MAGI2: variants seen among roughly 807,000 people sequenced by gnomAD.
MAGI2 encodes the protein membrane-associated guanylate kinase, WW and PDZ domain-containing protein 2.
Under a neutral mutation model 133.3 loss-of-function variants are expected in MAGI2, and 35 were observed. The observed-to-expected ratio is 0.26, with a 90% CI of 0.20 to 0.35. The LOEUF is 0.35. MAGI2 is among the 10% of genes least tolerant of loss of function. The probability of loss-of-function intolerance (pLI) is 1.00; values close to 1 mark genes in which losing one functional copy is unlikely to be tolerated. For missense variants in MAGI2, 1,636 were observed against 1,863.4 expected, an observed-to-expected ratio of 0.88 and a Z score of 2.25; for synonymous variants, 729 against 710.6, an observed-to-expected ratio of 1.03 and a Z score of -0.41.
At chr7:79,127,767 G>GTAGT (rs1021666223) in intron 1 of MAGI2, among the ~76,000 whole-genome samples, 1 of 152,088 alleles carries the variant, frequency 6.6e-6, no homozygotes, top group African/African-American at 2.4e-5. Flanking sequence ...CACTTTGATG[G>GTAGT]TAGTTTCTTT....
intron 2 of MAGI2, among the ~76,000 whole-genome samples, chr7:78,827,664 A>G (rs985264239): frequency 5.3e-5 from 8 of 152,202 alleles, no homozygotes; most frequent in African/African-American, 1.9e-4. Context: ...AGGAAGTGCT[A>G]AACATATAAA....
At position 78,945,967 on chromosome 7, in the gene MAGI2, T is replaced by A. The variant is rs1801386440; in HGVS notation, c.418+61123A>T. Among the ~76,000 whole-genome samples the A allele has an allele frequency of 3.3e-5, 5 of 152,316 alleles. No individual in the cohort carries two copies. In the South Asian group the frequency reaches 1.0e-3, roughly 32 times the overall value. On this transcript the variant is annotated intron_variant, in intron 2 of 21. Coordinates refer to ENST00000354212, the MANE Select transcript of MAGI2 (RefSeq NM_012301.4). ...AGCATTTATAATGTTATCAGAACAA[T>A]CCTTCTGAGCAGGAGTTTATTGTTA...
At chr7:78,201,573 C>T (rs117907831) in intron 10 of MAGI2, among the ~76,000 whole-genome samples, 1 of 152,120 alleles carries the variant, frequency 6.6e-6, no homozygotes, top group Non-Finnish European at 1.5e-5. Context: ...AGGTAAATAT[C>T]TTTGCTTGGT....
In MAGI2 at chr7:78,973,683, C is replaced by T. The variant is rs764062984; in HGVS notation, c.418+33407G>A. ...TTTCCTTTTCCCCTGCAAATGAGGC[C>T]TGCGGAGAAAAGCACCAGAAATAAT... On this transcript the variant is annotated intron_variant, in intron 2 of 21. Transcript: ENST00000354212. Among the ~76,000 whole-genome samples, 3 of 151,732 alleles carry T rather than the reference C, an allele frequency of 2.0e-5. No individual in the cohort carries two copies. The East Asian group carries it at 5.9e-4, about 30-fold the overall frequency.
chr7:78,781,697 AATT>A (rs1826413672), intron 2 of MAGI2, among the ~76,000 whole-genome samples: 1 of 152,160 alleles, frequency 6.6e-6, no homozygotes, highest in African/African-American at 2.4e-5. Flanking sequence ...CATAGTAAAA[AATT>A]ATATTAGAAA....
chr7:79,151,352 C>T (rs2129546996), intron 1 of MAGI2, among the ~76,000 whole-genome samples: 1 of 152,234 alleles, frequency 6.6e-6, no homozygotes, highest in African/African-American at 2.4e-5. Context: ...TTTGGCATAT[C>T]TAACGATGGA....
At chr7:78,941,759 C>G (rs1009805549) in intron 2 of MAGI2, among the ~76,000 whole-genome samples, 1 of 151,782 alleles carries the variant, frequency 6.6e-6, no homozygotes, top group Non-Finnish European at 1.5e-5. Context: ...CACACACACA[C>G]ACACACACAC....
At chr7:79,094,228 T>A (rs951117526) in intron 1 of MAGI2, among the ~76,000 whole-genome samples, 1 of 152,230 alleles carries the variant, frequency 6.6e-6, no homozygotes, top group African/African-American at 2.4e-5. Context: ...TCACAGCATC[T>A]TCAGCAGTAG....
intron 9 of MAGI2, among the ~76,000 whole-genome samples, chr7:78,269,149 T>C (rs1584642056): frequency 6.6e-6 from 1 of 152,190 alleles, no homozygotes; most frequent in Non-Finnish European, 1.5e-5. Context: ...TATTCTATGG[T>C]GTATATATGC....
intron 2 of MAGI2, among the ~76,000 whole-genome samples, chr7:78,638,619 A>C (rs1289142049): frequency 6.6e-6 from 1 of 152,186 alleles, no homozygotes; most frequent in Non-Finnish European, 1.5e-5. Context: ...TACAATATAC[A>C]GGTATAACAT....
intron 1 of MAGI2, among the ~76,000 whole-genome samples, chr7:79,426,014 A>G (rs1167914991): frequency 6.6e-6 from 1 of 152,214 alleles, no homozygotes; most frequent in Non-Finnish European, 1.5e-5. Context: ...TGCGTTGAAC[A>G]GAATCTAATC....
rs771918590 is a variant in MAGI2, at chr7:78,882,086, C to CA, written c.418+125003dup. Among the ~76,000 whole-genome samples, 66 of 12,456 alleles carry CA rather than the reference C, an allele frequency of 5.3e-3. 4 individuals carry two copies. Among genetic ancestry groups the CA allele is most frequent in the African/African-American group, 0.019 (58 of 2,996 alleles). The allele number at this position is 12,456 out of a possible 152,430, so 8.2% of individuals were successfully genotyped here. A position where few individuals can be genotyped will look rare whatever the true frequency, so the allele number is the denominator to read the frequency against. ...GCTAGATTAACAACAACAACAACAACAAAAAAAAAAAAAAAAAAAAAAGAA... is the reference window on the plus strand; with the variant it reads ...GCTAGATTAACAACAACAACAACAACAAAAAAAAAAAAAAAAAAAAAAAGAA... On this transcript the variant is annotated intron_variant, in intron 2 of 21. Transcript: ENST00000354212.
At chr7:78,995,361 G>A (rs1016157988) in intron 2 of MAGI2, among the ~76,000 whole-genome samples, 1 of 152,026 alleles carries the variant, frequency 6.6e-6, no homozygotes, top group Non-Finnish European at 1.5e-5. Flanking sequence ...TTTAATTACT[G>A]AAATAATATA....
chr7:78,467,382 A>C (rs1042859282), intron 6 of MAGI2, among the ~76,000 whole-genome samples: 1 of 152,158 alleles, frequency 6.6e-6, no homozygotes, highest in African/African-American at 2.4e-5. Flanking sequence ...TTCACTGATC[A>C]GAACTAATTG....
chr7:78,408,894 T>C (rs1056472774), intron 6 of MAGI2, among the ~76,000 whole-genome samples: 1 of 152,122 alleles, frequency 6.6e-6, no homozygotes, highest in Non-Finnish European at 1.5e-5. Flanking sequence ...TACATAGTTG[T>C]AGCTAATGTT....
chr7:78,912,961 T>C (rs6969635), intron 2 of MAGI2, among the ~76,000 whole-genome samples: 112,897 of 151,118 alleles, frequency 0.75, 42,485 homozygotes, highest in African/African-American at 0.81. Context: ...AGCTGAATCC[T>C]CAAGAAGAGA....
intron 2 of MAGI2, among the ~76,000 whole-genome samples, chr7:78,817,979 T>C (rs1368430358): frequency 1.3e-5 from 2 of 152,238 alleles, no homozygotes; most frequent in Admixed American, 1.3e-4. Flanking sequence ...TGACTCATTT[T>C]ATTGACATAT....
intron 1 of MAGI2, among the ~76,000 whole-genome samples, chr7:79,160,220 A>T (rs1824220453): frequency 6.6e-6 from 1 of 152,134 alleles, no homozygotes; most frequent in South Asian, 2.1e-4. Flanking sequence ...AAACTCAAGG[A>T]TGTTGATTTT....
chr7:79,322,784 A>T (rs1161292010), intron 1 of MAGI2, among the ~76,000 whole-genome samples: 1 of 143,358 alleles, frequency 7.0e-6, no homozygotes, highest in Non-Finnish European at 1.5e-5. Context: ...TGTCTCAAAA[A>T]AAAAAAAAAG....
Sources: allele counts gnomAD v4.1 joint callset (sites outside exome capture counted in the v4.1 genomes callset), GRCh38; gene constraint gnomAD v4.1.1; transcripts MANE v1.5; gene names NCBI Gene and HGNC (gene_info 2026-07-23, HGNC 2026-07-21).